KCNK10: variants seen among roughly 807,000 people sequenced by gnomAD.
KCNK10 encodes potassium channel subfamily K member 10.
Under a neutral mutation model 47.7 loss-of-function variants are expected in KCNK10, and 25 were observed. That is an observed-to-expected ratio of 0.52 (90% CI 0.38 to 0.73). The LOEUF (loss-of-function observed/expected upper bound fraction) is 0.73. KCNK10 is among the 30% of genes least tolerant of loss of function. KCNK10 has a pLI of 0.00. For missense variants in KCNK10, 563 were observed against 714.5 expected (o/e 0.79, Z 2.42); for synonymous variants, 303 against 285.6 (o/e 1.06, Z -0.61).
intron 2 of KCNK10, among the ~76,000 whole-genome samples, chr14:88,245,846 TATG>T (rs1886622375): frequency 6.6e-6 from 1 of 152,200 alleles, no homozygotes. Flanking sequence ...TGTTAACAGC[TATG>T]CTGGGACCAC....
At chr14:88,265,403 G>T (rs938974931) in intron 1 of KCNK10, among the ~76,000 whole-genome samples, 4 of 152,184 alleles carry the variant, frequency 2.6e-5, no homozygotes, top group African/African-American at 9.7e-5. Flanking sequence ...ATGAGCCCAG[G>T]AATGTGGTCC....
At chr14:88,208,774 A>T (rs1885364075) in intron 4 of KCNK10, among the ~76,000 whole-genome samples, 1 of 152,212 alleles carries the variant, frequency 6.6e-6, no homozygotes, top group African/African-American at 2.4e-5. Flanking sequence ...TCCTGATTCT[A>T]ATTGCTCAAG....
intron 2 of KCNK10, among the ~76,000 whole-genome samples, chr14:88,250,886 A>G (rs1046152427): frequency 1.4e-4 from 22 of 152,164 alleles, no homozygotes; most frequent in Non-Finnish European, 3.1e-4. Context: ...CAGAAACAAA[A>G]GAATTTTTTG....
chr14:88,233,024 G>T (rs2139879824), intron 3 of KCNK10, among the ~76,000 whole-genome samples: 1 of 152,354 alleles, frequency 6.6e-6, no homozygotes, highest in East Asian at 1.9e-4. Flanking sequence ...TCAGTCACTA[G>T]CTGTGGAGGT....
chr14:88,241,038 C>T (rs1473600577), intron 2 of KCNK10, among the ~76,000 whole-genome samples: 1 of 152,078 alleles, frequency 6.6e-6, no homozygotes, highest in African/African-American at 2.4e-5. Context: ...GGGGGAAACG[C>T]TAGGGTATAG....
intron 1 of KCNK10, among the ~76,000 whole-genome samples, chr14:88,303,670 G>A (rs530614021): frequency 7.9e-5 from 12 of 152,276 alleles, no homozygotes; most frequent in Admixed American, 7.8e-4. Flanking sequence ...ACGGCCTTAG[G>A]TAGGAAAAGA....
chr14:88,187,512 C>A (rs906011717), intron 6 of KCNK10, among the ~76,000 whole-genome samples: 9 of 152,192 alleles, frequency 5.9e-5, no homozygotes, highest in Non-Finnish European at 8.8e-5. Flanking sequence ...ATTGGGCTCA[C>A]TTCCCCGTAG....
intron 2 of KCNK10, among the ~76,000 whole-genome samples, chr14:88,262,309 A>G (rs991445203): frequency 9.2e-5 from 14 of 152,202 alleles, no homozygotes; most frequent in African/African-American, 2.7e-4. Flanking sequence ...TCAGCCTCAG[A>G]GGCAGCCTTC....
intron 1 of KCNK10, among the ~76,000 whole-genome samples, chr14:88,292,642 GTT>G (rs769843097): frequency 3.4e-5 from 5 of 148,550 alleles, no homozygotes; most frequent in Non-Finnish European, 7.5e-5. Context: ...TTCTTGTTTG[GTT>G]TTGTTTTGGA....
intron 1 of KCNK10, among the ~76,000 whole-genome samples, chr14:88,280,158 G>A (rs1887617750): frequency 6.6e-6 from 1 of 152,160 alleles, no homozygotes; most frequent in Non-Finnish European, 1.5e-5. Flanking sequence ...CACTGAAACT[G>A]CTCTGCTAAC....
chr14:88,235,569 T>A lies in KCNK10; in HGVS notation c.520+5134A>T, dbSNP rs141257042. Among the ~76,000 whole-genome samples, 1,410 of 152,054 alleles carry A rather than the reference T, an allele frequency of 9.3e-3. 26 individuals carry two copies. Among genetic ancestry groups the A allele is most frequent in the African/African-American group, 0.032 (1,343 of 41,500 alleles). ...GGAAAGAAACAGGAAAAGGAAAAAATTCCCTATTGATCACAAAAACAAAAA... is the reference window on the plus strand; with the variant it reads ...GGAAAGAAACAGGAAAAGGAAAAAAATCCCTATTGATCACAAAAACAAAAA... On this transcript the variant is annotated intron_variant, in intron 3 of 6. Transcript: ENST00000319231.
intron 1 of KCNK10, among the ~76,000 whole-genome samples, chr14:88,286,001 T>A (rs1223160677): frequency 6.6e-6 from 1 of 152,160 alleles, no homozygotes; most frequent in Non-Finnish European, 1.5e-5. Context: ...TCTTTTGGGA[T>A]GCTCACTCTT....
intron 1 of KCNK10, among the ~76,000 whole-genome samples, chr14:88,265,843 G>A (rs1374774383): frequency 6.6e-6 from 1 of 152,184 alleles, no homozygotes; most frequent in African/African-American, 2.4e-5. Context: ...CTTGCCTGCT[G>A]CCATGTAAGA....
At chr14:88,255,860 A>T (rs574971037) in intron 2 of KCNK10, among the ~76,000 whole-genome samples, 3 of 151,842 alleles carry the variant, frequency 2.0e-5, no homozygotes, top group South Asian at 2.1e-4. Context: ...ACCCTGTTTT[A>T]AAAAAAAGGA....
At chr14:88,312,113 C>A (rs1446275752) in intron 1 of KCNK10, among the ~76,000 whole-genome samples, 1 of 152,056 alleles carries the variant, frequency 6.6e-6, no homozygotes, top group East Asian at 1.9e-4. Context: ...ATTCTCAAGT[C>A]CACGGTGCTA....
intron 4 of KCNK10, among the ~76,000 whole-genome samples, chr14:88,197,859 G>GAGAGAGAGA (rs1884969856): frequency 8.0e-6 from 1 of 125,352 alleles, no homozygotes; most frequent in African/African-American, 3.3e-5. Flanking sequence ...AGGAGGGAAG[G>GAGAGAGAGA]GAGAGAGAGA....
chr14:88,258,993 TA>T (rs1166486291), intron 2 of KCNK10, among the ~76,000 whole-genome samples: 1 of 152,220 alleles, frequency 6.6e-6, no homozygotes, highest in Non-Finnish European at 1.5e-5. Context: ...CATGATGAAA[TA>T]AATACTTTCC....
At chr14:88,300,843 G>A (rs2000610) in intron 1 of KCNK10, among the ~76,000 whole-genome samples, 70,019 of 132,726 alleles carry the variant, frequency 0.53, 17,443 homozygotes, top group East Asian at 0.6. Flanking sequence ...CTGAAAATTA[G>A]TTTTATTTAT....
Position 88,297,027 on chromosome 14 carries a change from A to G in KCNK10, c.52+25720T>C, listed in dbSNP as rs980778326. 3.3e-5 allele frequency among the ~76,000 whole-genome samples: 5 copies of G among 152,380 alleles called. No homozygotes were observed. The South Asian group carries it at 8.3e-4, about 25-fold the overall frequency. On this transcript the variant is annotated intron_variant, in intron 1 of 6. Coordinates refer to ENST00000319231, the MANE Select transcript of KCNK10 (RefSeq NM_138317.3). ...GGTAAATAATTCAAAAATGCATCTA[A>G]GAATTAATGTAGTACAATAGAACAT... is the stretch of plus-strand genomic sequence containing the variant.
Sources: allele counts gnomAD v4.1 joint callset (sites outside exome capture counted in the v4.1 genomes callset), GRCh38; gene constraint gnomAD v4.1.1; transcripts MANE v1.5; gene names NCBI Gene and HGNC (gene_info 2026-07-23, HGNC 2026-07-21).